Variants in ZBED6 observed in about 807,000 individuals in gnomAD.
ZBED6 encodes the protein zinc finger BED domain-containing protein 6.
Under a neutral mutation model 58.4 loss-of-function variants are expected in ZBED6, and 40 were observed. That is an observed-to-expected ratio of 0.68 (90% CI 0.53 to 0.89). The LOEUF (loss-of-function observed/expected upper bound fraction) is 0.89, where lower values mean the gene tolerates loss of function less well. Ranked by LOEUF, ZBED6 falls within the 40% of genes least tolerant of loss-of-function variation. The probability of loss-of-function intolerance (pLI) is 0.00; values close to 1 mark genes in which losing one functional copy is unlikely to be tolerated. For missense variants in ZBED6, 1,057 were observed against 1,003.9 expected (o/e 1.05, Z -0.71); for synonymous variants, 439 against 350.6 (o/e 1.25, Z -2.82).
chr1:203,852,127 T>C lies in ZBED6; in HGVS notation c.*4874-14T>C, dbSNP rs1300954521. On this transcript the variant is annotated splice_polypyrimidine_tract_variant and intron_variant, in intron 16 of 16. Coordinates refer to ENST00000550078, the Ensembl canonical transcript of ZBED6. Reference sequence around the variant, plus strand: ...TAAAACGGCAGTTTTCTAATAATCTTTTTTTTCTTACAGTCTTGTGCTGCC... The same window carrying C: ...TAAAACGGCAGTTTTCTAATAATCTCTTTTTTCTTACAGTCTTGTGCTGCC... 4 of 1,613,274 alleles carry C rather than the reference T, an allele frequency of 2.5e-6. No homozygotes were observed. The South Asian group carries it at 4.4e-5, about 18-fold the overall frequency.
chr1:203,806,235 A>C (rs1385210112), intron 1 of ZBED6: 4 of 363,544 alleles, frequency 1.1e-5, no homozygotes, highest in Admixed American at 3.8e-5. Context: ...GCGGAGCCTT[A>C]ATTTCACTTT....
intron 3 of ZBED6, among the ~76,000 whole-genome samples, chr1:203,825,717 G>T (rs1326997115): frequency 6.6e-6 from 1 of 151,998 alleles, no homozygotes; most frequent in South Asian, 2.1e-4. Context: ...GAGCCACCAC[G>T]CCTGGCATGT....
intron 16 of ZBED6, among the ~76,000 whole-genome samples, chr1:203,851,514 GTGACAGGGTTT>G (rs1689250702): frequency 1.3e-5 from 2 of 152,052 alleles, no homozygotes; most frequent in African/African-American, 4.8e-5. Context: ...ATTTTTAGTA[GTGACAGGGTTT>G]TGCCACATTG....
intron 3 of ZBED6, among the ~76,000 whole-genome samples, chr1:203,819,529 A>ATTTTTTTT (rs755259647): frequency 1.3e-3 from 93 of 72,880 alleles, no homozygotes; most frequent in African/African-American, 5.0e-3. Context: ...GCTGACTCCA[A>ATTTTTTTT]TTTTTTTTTT....
exon 6 of ZBED6, chr1:203,829,802 T>A: frequency 6.2e-7 from 1 of 1,614,098 alleles, no homozygotes; most frequent in Non-Finnish European, 8.5e-7. Flanking sequence ...AGGAAGGTGA[T>A]GAAACCAAAA....
At position 203,851,053 on chromosome 1, in the gene ZBED6, G is replaced by C; in HGVS notation, c.*4806-4G>C. 6.2e-7 allele frequency: 1 copy of C among 1,613,914 alleles called. No homozygotes were observed. Among genetic ancestry groups the C allele is most frequent in the Non-Finnish European group, 8.5e-7 (1 of 1,179,982 alleles). ...ACTGAATTACCTGACTCTTCCTTTT[G>C]TAGGCTGTTGTCCCGCTTGTCTCTG... On this transcript the variant is annotated splice_polypyrimidine_tract_variant and splice_region_variant and intron_variant, in intron 15 of 16. Coordinates refer to ENST00000550078, the Ensembl canonical transcript of ZBED6.
intron 11 of ZBED6, among the ~76,000 whole-genome samples, chr1:203,842,525 T>A (rs958202771): frequency 3.3e-5 from 5 of 149,594 alleles, no homozygotes; most frequent in African/African-American, 5.0e-5. Flanking sequence ...GCAGGGAGGT[T>A]GCAGTGAGCC....
At chr1:203,812,097 A>G (rs1558103068) in intron 1 of ZBED6, among the ~76,000 whole-genome samples, 1 of 152,026 alleles carries the variant, frequency 6.6e-6, no homozygotes, top group East Asian at 1.9e-4. Flanking sequence ...GATTACATGT[A>G]TGAGTCACCA....
chr1:203,813,158 C>T (rs1391231699), intron 1 of ZBED6, among the ~76,000 whole-genome samples: 1 of 152,024 alleles, frequency 6.6e-6, no homozygotes, highest in Non-Finnish European at 1.5e-5. Context: ...TTTCACAGAG[C>T]AGACCTTTTT....
At chr1:203,833,482 GA>G (rs952590357) in intron 8 of ZBED6, among the ~76,000 whole-genome samples, 1 of 151,794 alleles carries the variant, frequency 6.6e-6, no homozygotes, top group Admixed American at 6.6e-5. Context: ...AATGAGCCAA[GA>G]TGGCACCACT....
At chr1:203,833,978 T>A in intron 9 of ZBED6, 125 bp downstream of exon 9, 1 of 1,394,446 alleles carries the variant, frequency 7.2e-7, no homozygotes, top group Non-Finnish European at 9.3e-7. Flanking sequence ...AAAGCACTTA[T>A]AAATTCCTCA....
At chr1:203,852,027 C>T in intron 16 of ZBED6, 114 bp from the exon 17 acceptor site, 20 of 454,572 alleles carry the variant, frequency 4.4e-5, no homozygotes, top group South Asian at 1.7e-4. Flanking sequence ...AGAATTATTT[C>T]TTTATGTATG....
At chr1:203,850,153 G>T (rs1688923862) in intron 14 of ZBED6, 127 bp downstream of exon 14, 1 of 794,830 alleles carries the variant, frequency 1.3e-6, no homozygotes. Flanking sequence ...CAGGTAGATA[G>T]TAATATTTCT....
chr1:203,829,049 A>G (rs1002200673), intron 4 of ZBED6, among the ~76,000 whole-genome samples: 1 of 152,216 alleles, frequency 6.6e-6, no homozygotes, highest in Non-Finnish European at 1.5e-5. Context: ...TTTTACCTCA[A>G]TTTAAGGGAA....
At chr1:203,831,603 C>G (rs1257042719) in intron 7 of ZBED6, 58 bp from the exon 8 acceptor site, 1 of 1,488,824 alleles carries the variant, frequency 6.7e-7, no homozygotes, top group Admixed American at 1.9e-5. Context: ...AATTTTTTGA[C>G]TTGGGATAGC....
intron 1 of ZBED6, among the ~76,000 whole-genome samples, chr1:203,816,466 T>A (rs1049333922): frequency 2.0e-5 from 3 of 151,906 alleles, no homozygotes; most frequent in Non-Finnish European, 2.9e-5. Flanking sequence ...TTTACAAAAA[T>A]TTTTTTTAAA....
At chr1:203,825,498 C>T (rs1680232597) in intron 3 of ZBED6, among the ~76,000 whole-genome samples, 1 of 139,678 alleles carries the variant, frequency 7.2e-6, no homozygotes, top group Non-Finnish European at 1.5e-5. Flanking sequence ...GCAGTGGCTC[C>T]ATCTTGGCTC....
At chr1:203,823,600 A>G (rs1679491900) in intron 3 of ZBED6, among the ~76,000 whole-genome samples, 1 of 152,222 alleles carries the variant, frequency 6.6e-6, no homozygotes, top group Admixed American at 6.5e-5. Flanking sequence ...CCCAGATGCT[A>G]GCCAAGAGCA....
At chr1:203,841,531 A>G (rs1486880036) in intron 11 of ZBED6, among the ~76,000 whole-genome samples, 1 of 152,262 alleles carries the variant, frequency 6.6e-6, no homozygotes, top group African/African-American at 2.4e-5. Context: ...ACAGAACAAA[A>G]TGGAGTCTCC....
Sources: allele counts gnomAD v4.1 joint callset (sites outside exome capture counted in the v4.1 genomes callset), GRCh38; gene constraint gnomAD v4.1.1; transcripts MANE v1.5; gene names NCBI Gene and HGNC (gene_info 2026-07-23, HGNC 2026-07-21).